ACVR1B: variants seen among roughly 807,000 people sequenced by gnomAD.
The protein encoded by ACVR1B is activin receptor type-1B.
ACVR1B carries 15 observed loss-of-function variants against 55.6 expected under a neutral mutation model. The ratio of observed to expected loss-of-function variants is 0.27; its 90% CI spans 0.18 to 0.42. The LOEUF is 0.42. Ranked by LOEUF, ACVR1B falls within the 10% of genes least tolerant of loss-of-function variation. The probability of loss-of-function intolerance (pLI) is 1.00; values close to 1 mark genes in which losing one functional copy is unlikely to be tolerated. For synonymous variants in ACVR1B, 247 were observed against 254.6 expected, an observed-to-expected ratio of 0.97 and a Z score of 0.28; for missense variants, 359 against 670.1, an observed-to-expected ratio of 0.54 and a Z score of 5.13.
At chr12:51,961,495 C>T (rs1941526351) in intron 1 of ACVR1B, among the ~76,000 whole-genome samples, 1 of 152,176 alleles carries the variant, frequency 6.6e-6, no homozygotes, top group Admixed American at 6.5e-5. Flanking sequence ...CTCTGTTTAT[C>T]CTACCACCTA....
intron 1 of ACVR1B, among the ~76,000 whole-genome samples, chr12:51,961,259 C>T (rs1941520017): frequency 6.6e-6 from 1 of 152,222 alleles, no homozygotes; most frequent in Non-Finnish European, 1.5e-5. Context: ...TCGGCCTGCA[C>T]AGAGCCTTGC....
At chr12:51,972,913 G>A (rs1198916351) in intron 1 of ACVR1B, among the ~76,000 whole-genome samples, 3 of 152,100 alleles carry the variant, frequency 2.0e-5, no homozygotes, top group Non-Finnish European at 4.4e-5. Flanking sequence ...GTGTTTTCTG[G>A]TTGGGTAGTT....
At chr12:51,986,973 T>C in intron 7 of ACVR1B, 31 bp downstream of exon 7, 1 of 1,614,212 alleles carries the variant, frequency 6.2e-7, no homozygotes, top group East Asian at 2.2e-5. Flanking sequence ...TGCTCCTACC[T>C]CCCATTCCAG....
intron 5 of ACVR1B, 152 bp from the exon 6 acceptor site, chr12:51,985,040 T>G: frequency 1.6e-6 from 1 of 643,962 alleles, no homozygotes; most frequent in Non-Finnish European, 2.5e-6. Context: ...ATGAGAAGAC[T>G]GAGGTACAGA....
chr12:51,976,854 A>G (rs1005881465), intron 3 of ACVR1B, among the ~76,000 whole-genome samples: 2 of 152,204 alleles, frequency 1.3e-5, no homozygotes, highest in Non-Finnish European at 1.5e-5. Flanking sequence ...ACGTACATCT[A>G]TTAAAATTCA....
At chr12:51,952,859 C>T (rs1378060872) in intron 1 of ACVR1B, among the ~76,000 whole-genome samples, 4 of 140,314 alleles carry the variant, frequency 2.9e-5, no homozygotes, top group Non-Finnish European at 4.6e-5. Context: ...CCACAGTCTG[C>T]GGCTCGCCTT....
chr12:51,986,973 T>A, intron 7 of ACVR1B, 31 bp downstream of exon 7: 1 of 1,614,212 alleles, frequency 6.2e-7, no homozygotes, highest in Non-Finnish European at 8.5e-7. Context: ...TGCTCCTACC[T>A]CCCATTCCAG....
At chr12:51,990,504 A>G (rs910037764) in intron 7 of ACVR1B, among the ~76,000 whole-genome samples, 5 of 151,292 alleles carry the variant, frequency 3.3e-5, no homozygotes, top group Admixed American at 1.3e-4. Flanking sequence ...TTGTGGAGAC[A>G]AGGGTTTTGC....
intron 1 of ACVR1B, chr12:51,960,121 G>A (rs1379613650): frequency 1.3e-5 from 2 of 152,256 alleles, no homozygotes; most frequent in Non-Finnish European, 2.9e-5. Flanking sequence ...CTTGCCCTTT[G>A]GAAGTTTACA....
At position 51,958,132 on chromosome 12, in the gene ACVR1B, A is replaced by G. The variant is rs1381508962; in HGVS notation, c.91+6298A>G. 2.0e-5 allele frequency among the ~76,000 whole-genome samples: 3 copies of G among 152,234 alleles called. No individual in the cohort carries two copies. The East Asian group carries it at 5.8e-4, about 29-fold the overall frequency. On this transcript the variant is annotated intron_variant, in intron 1 of 8. Transcript: ENST00000257963. ...GGTTACAAATAAATTTGCATTAACC[A>G]TATTTTGTTAGAACTGTATACAAAA... is the stretch of plus-strand genomic sequence containing the variant.
intron 8 of ACVR1B, 54 bp downstream of exon 8, chr12:51,992,047 A>T (rs774246640): frequency 6.2e-7 from 1 of 1,613,458 alleles, no homozygotes. Context: ...TCCACCTTAG[A>T]AAAGGGTTTC....
chr12:51,983,876 A>T (rs1413419170), intron 4 of ACVR1B, 123 bp from the exon 5 acceptor site: 10 of 944,190 alleles, frequency 1.1e-5, no homozygotes, highest in African/African-American at 3.3e-5. Context: ...GGGGGCATGG[A>T]GGTGGGAAAT....
intron 1 of ACVR1B, 61 bp downstream of exon 1, chr12:51,951,895 C>T (rs950369465): frequency 4.7e-6 from 5 of 1,074,268 alleles, no homozygotes; most frequent in African/African-American, 3.3e-5. Context: ...GGCGAGGCCT[C>T]GAGCCGCGGC....
At position 51,983,981 on chromosome 12, in the gene ACVR1B, A is replaced by C. The variant is rs1942031117; in HGVS notation, c.812-18A>C. ...GATAGTTACACTTTTTCTGGGACTC[A>C]TCTGTGGTTCTCTGCAGATAATGGC... On this transcript the variant is annotated intron_variant, in intron 4 of 8. Coordinates refer to ENST00000257963, the MANE Select transcript of ACVR1B (RefSeq NM_004302.5). 6.2e-7 allele frequency: 1 copy of C among 1,614,100 alleles called. No homozygotes were observed. Among genetic ancestry groups the C allele is most frequent in the Non-Finnish European group, 8.5e-7 (1 of 1,179,950 alleles).
chr12:51,953,320 C>CGGCTT (rs1941346744), intron 1 of ACVR1B: 1 of 984,878 alleles, frequency 1.0e-6, no homozygotes, highest in Non-Finnish European at 1.2e-6. Context: ...TCATTATCTC[C>CGGCTT]GGCTTTGATA....
rs748496476 is a variant in ACVR1B at position 51,985,355 on chromosome 12, G to C, written c.1136+7G>C. The stretch of plus-strand genomic sequence containing the variant: ...AGAGGGTGGGGACCAAACGGTAGGA[G>C]GGCCTGGGACTCTGCCCTTGCTAAG... On this transcript the variant is annotated splice_region_variant and intron_variant, in intron 6 of 8. Coordinates refer to ENST00000257963, the MANE Select transcript of ACVR1B (RefSeq NM_004302.5). 6 of 1,609,476 alleles carry C rather than the reference G, an allele frequency of 3.7e-6. No individual in the cohort carries two copies. The highest frequency in any genetic ancestry group is 5.1e-6 in the Non-Finnish European group (6 of 1,177,946).
chr12:51,985,127 C>T (rs1411319407), intron 5 of ACVR1B, 65 bp from the exon 6 acceptor site: 5 of 1,495,890 alleles, frequency 3.3e-6, no homozygotes, highest in Non-Finnish European at 4.5e-6. Flanking sequence ...AGTCTGGCTG[C>T]ATAGTCTATG....
intron 1 of ACVR1B, among the ~76,000 whole-genome samples, chr12:51,963,941 C>T (rs940403298): frequency 6.6e-6 from 1 of 152,166 alleles, no homozygotes; most frequent in African/African-American, 2.4e-5. Flanking sequence ...AAATCTTCAC[C>T]AACACTTATT....
At chr12:51,965,217 T>C (rs1195269152) in intron 1 of ACVR1B, among the ~76,000 whole-genome samples, 2 of 152,218 alleles carry the variant, frequency 1.3e-5, no homozygotes. Flanking sequence ...TAGTAGTAAT[T>C]ATCTCTGGGG....
Sources: allele counts gnomAD v4.1 joint callset (sites outside exome capture counted in the v4.1 genomes callset), GRCh38; gene constraint gnomAD v4.1.1; transcripts MANE v1.5; gene names NCBI Gene and HGNC (gene_info 2026-07-23, HGNC 2026-07-21).